The following LONRF3 variants were observed in gnomAD, a reference collection of about 807,000 sequenced individuals.
The protein encoded by LONRF3 is LON peptidase N-terminal domain and RING finger protein 3.
In LONRF3, 19 loss-of-function variants were observed where a neutral mutation model predicts 51.7. The ratio of observed to expected loss-of-function variants is 0.37; its 90% CI spans 0.26 to 0.54. LONRF3 has a LOEUF of 0.54. LONRF3 is among the 20% of genes least tolerant of loss of function. LONRF3 has a pLI of 0.86. For missense variants in LONRF3, 521 were observed against 623.9 expected, an observed-to-expected ratio of 0.84 and a Z score of 1.76; for synonymous variants, 265 against 257.8, an observed-to-expected ratio of 1.03 and a Z score of -0.27.
intron 2 of LONRF3, among the ~76,000 whole-genome samples, chrX:118,981,643 G>A (rs1240575847): frequency 9.0e-6 from 1 of 111,214 alleles, no homozygotes; most frequent in Non-Finnish European, 1.9e-5. Context: ...GCTGGGAGAA[G>A]CAACAAGGGA....
At position 118,997,468 on chromosome X, in the gene LONRF3, C is replaced by A. The variant is rs185289892; in HGVS notation, c.1415+6908C>A. On this transcript the variant is annotated intron_variant, in intron 5 of 10. Coordinates refer to ENST00000371628, the MANE Select transcript of LONRF3 (RefSeq NM_001031855.3). Reference sequence around the variant, plus strand: ...TCATCTCTTTGTACAAAAATCAACTCAAGATGGATTAAGGACTTAAGCCTA... The same window carrying A: ...TCATCTCTTTGTACAAAAATCAACTAAAGATGGATTAAGGACTTAAGCCTA... Among the ~76,000 whole-genome samples, 6 of 112,407 alleles carry A rather than the reference C, an allele frequency of 5.3e-5. No homozygotes were observed. The East Asian group carries it at 1.4e-3, about 26-fold the overall frequency.
In LONRF3 at chrX:118,990,577, A is replaced by C. The variant is rs1341437035; in HGVS notation, c.1415+17A>C. 1 of 1,142,865 alleles carries C rather than the reference A, an allele frequency of 8.7e-7. No homozygotes were observed. The highest frequency in any genetic ancestry group is 1.8e-5 in the African/African-American group (1 of 55,827). 94.2% of individuals were successfully genotyped at this position (1,142,865 alleles called of 1,213,427 possible). ...ATGTATGAGGTACGTCCTGTGTACT[A>C]TCATTTACTTCCTGATGTTTCTTCA... On this transcript the variant is annotated intron_variant, in intron 5 of 10. Coordinates refer to ENST00000371628, the MANE Select transcript of LONRF3 (RefSeq NM_001031855.3).
chrX:118,990,682 G>A, intron 5 of LONRF3, 122 bp downstream of exon 5: 1 of 520,617 alleles, frequency 1.9e-6, no homozygotes. Flanking sequence ...TAACGGAATG[G>A]AAATCACAAC....
intron 3 of LONRF3, among the ~76,000 whole-genome samples, chrX:118,986,051 AACACACACACACAC>A (rs35356301): frequency 0.047 from 3,940 of 83,792 alleles, 171 homozygotes; most frequent in African/African-American, 0.14. Flanking sequence ...AGTATATGGA[AACACACACACACAC>A]ACACACACAC....
chrX:119,000,401 G>A (rs910426447), intron 5 of LONRF3, among the ~76,000 whole-genome samples: 1 of 112,054 alleles, frequency 8.9e-6, no homozygotes, highest in African/African-American at 3.2e-5. Context: ...AATAATCGGA[G>A]GTGTGTAAGT....
At chrX:118,994,782 A>G (rs747175040) in intron 5 of LONRF3, among the ~76,000 whole-genome samples, 3 of 112,112 alleles carry the variant, frequency 2.7e-5, no homozygotes, top group African/African-American at 9.7e-5. Context: ...TCCAACAGGA[A>G]AATATCACAA....
chrX:118,996,974 A>C (rs1923922210), intron 5 of LONRF3, among the ~76,000 whole-genome samples: 2 of 110,507 alleles, frequency 1.8e-5, no homozygotes, highest in Admixed American at 1.9e-4. Context: ...CTGCTGAAAG[A>C]AATTGGAGAC....
intron 10 of LONRF3, among the ~76,000 whole-genome samples, chrX:119,015,543 C>G (rs1925385991): frequency 8.9e-6 from 1 of 111,904 alleles, no homozygotes. Context: ...TGACCCAGCT[C>G]CTGGCTCTGG....
At chrX:118,976,656 C>T (rs558176122) in intron 1 of LONRF3, 20 of 113,012 alleles carry the variant, frequency 1.8e-4, no homozygotes, top group Admixed American at 1.8e-3. Context: ...CCCCCATCTC[C>T]AGCTAGACTA....
At chrX:119,000,822 T>A (rs1291642215) in intron 5 of LONRF3, among the ~76,000 whole-genome samples, 12 of 76,953 alleles carry the variant, frequency 1.6e-4, no homozygotes, top group East Asian at 4.3e-4. Flanking sequence ...TCTCTCTCTC[T>A]CTCTCTCTCT....
At chrX:119,015,084 T>G (rs1925350583) in intron 10 of LONRF3, among the ~76,000 whole-genome samples, 1 of 111,879 alleles carries the variant, frequency 8.9e-6, no homozygotes, top group African/African-American at 3.2e-5. Flanking sequence ...TAAGTTTCAC[T>G]AAGCTTTGCT....
chrX:119,014,548 G>A (rs970808765), intron 10 of LONRF3, among the ~76,000 whole-genome samples, 192 bp downstream of exon 10: 1 of 111,466 alleles, frequency 9.0e-6, no homozygotes, highest in Non-Finnish European at 1.9e-5. Flanking sequence ...TAGAATCGGG[G>A]TAACTAAAGT....
rs1331493625 is a variant in LONRF3 at position 118,974,840 on chromosome X, C to T, written c.60C>T (p.Asn20=). Residue 20 remains asparagine, a synonymous_variant, in exon 1 of 11, where the codon AAC becomes AAT. Transcript: ENST00000371628. ...LSLPAEVSSD[N]LESAERGASA... is the part of the protein sequence containing the mutation. ...TGCCCGCTGAGGTCAGCAGCGACAA[C>T]TTGGAGTCGGCGGAGCGAGGGGCAT... 17 of 1,208,922 alleles carry T rather than the reference C, an allele frequency of 1.4e-5. No homozygotes were observed. Among genetic ancestry groups the T allele is most frequent in the Non-Finnish European group, 1.9e-5 (17 of 894,577 alleles).
At chrX:118,988,169 A>C (rs772743836) in intron 3 of LONRF3, among the ~76,000 whole-genome samples, 3 of 111,761 alleles carry the variant, frequency 2.7e-5, no homozygotes, top group African/African-American at 9.8e-5. Flanking sequence ...GGTGCGCCCA[A>C]CTTTTCTTAA....
chrX:118,986,655 C>T (rs927289163), intron 3 of LONRF3, among the ~76,000 whole-genome samples: 16 of 112,226 alleles, frequency 1.4e-4, no homozygotes, highest in Non-Finnish European at 2.4e-4. Flanking sequence ...AGTGCCTTCT[C>T]AAAATCCAGA....
chrX:118,978,839 C>G (rs1208096136), intron 2 of LONRF3, among the ~76,000 whole-genome samples: 2 of 111,132 alleles, frequency 1.8e-5, no homozygotes, highest in East Asian at 5.6e-4. Flanking sequence ...GGGGGATATT[C>G]AAAGCAGCTA....
intron 8 of LONRF3, among the ~76,000 whole-genome samples, chrX:119,012,445 C>A (rs1266052063): frequency 9.0e-6 from 1 of 110,892 alleles, no homozygotes; most frequent in Non-Finnish European, 1.9e-5. Context: ...TTTTGTGCTA[C>A]TATAACAGAA....
At chrX:118,992,714 A>G (rs1017751028) in intron 5 of LONRF3, among the ~76,000 whole-genome samples, 1 of 111,525 alleles carries the variant, frequency 9.0e-6, no homozygotes, top group Non-Finnish European at 1.9e-5. Context: ...GAGACCAACC[A>G]GCACAAAAAT....
chrX:118,998,906 C>T (rs1054363862), intron 5 of LONRF3, among the ~76,000 whole-genome samples: 1 of 111,799 alleles, frequency 8.9e-6, no homozygotes, highest in Non-Finnish European at 1.9e-5. Flanking sequence ...GTGATCCACC[C>T]GCCTTGGCCT....
Sources: allele counts gnomAD v4.1 joint callset (sites outside exome capture counted in the v4.1 genomes callset), GRCh38; gene constraint gnomAD v4.1.1; transcripts MANE v1.5; gene names NCBI Gene and HGNC (gene_info 2026-07-23, HGNC 2026-07-21).